The following KIT variants were observed in gnomAD, a reference collection of about 807,000 sequenced individuals.
KIT encodes the protein KIT proto-oncogene, receptor tyrosine kinase.
KIT carries 16 observed loss-of-function variants against 105.7 expected under a neutral mutation model. The observed-to-expected ratio is 0.15, with a 90% CI of 0.10 to 0.23. The LOEUF is 0.23. Ranked by LOEUF, KIT falls within the 10% of genes least tolerant of loss-of-function variation. KIT has a pLI of 1.00. For missense variants in KIT, 858 were observed against 1,213.8 expected (o/e 0.71, Z 4.36); for synonymous variants, 438 against 441.1 (o/e 0.99, Z 0.09).
intron 1 of KIT, among the ~76,000 whole-genome samples, chr4:54,663,433 C>T (rs147616402): frequency 6.6e-6 from 1 of 152,242 alleles, no homozygotes; most frequent in East Asian, 1.9e-4. Flanking sequence ...TGTGTGGACT[C>T]CACTATCAGG....
At chr4:54,732,119 G>GA (rs1722649795) in intron 16 of KIT, 121 bp downstream of exon 16, 3 of 1,099,334 alleles carry the variant, frequency 2.7e-6, no homozygotes, top group Non-Finnish European at 3.8e-6. Context: ...ATGTCATTTT[G>GA]AAGTGTGGTA....
intron 1 of KIT, among the ~76,000 whole-genome samples, chr4:54,679,888 T>C (rs185415468): frequency 2.0e-5 from 3 of 152,326 alleles, no homozygotes; most frequent in Admixed American, 1.3e-4. Flanking sequence ...GCAGACCTTA[T>C]ATTGAGTTAA....
rs534652006 is a variant in KIT, at chr4:54,740,252, T to A, written c.*1695T>A. 1 of 233,558 alleles carries A rather than the reference T, an allele frequency of 4.3e-6. No individual in the cohort carries two copies. Among genetic ancestry groups the A allele is most frequent in the South Asian group, 1.8e-4 (1 of 5,518 alleles). The allele number at this position is 233,558 out of a possible 1,614,324, so 14.5% of individuals were successfully genotyped here. On this transcript the variant is annotated 3_prime_UTR_variant, in exon 21 of 21. Coordinates refer to ENST00000288135, the MANE Select transcript of KIT (RefSeq NM_000222.3). The stretch of plus-strand genomic sequence containing the variant: ...TCGCACCTTTCCAAAGTTAACAGAT[T>A]TTGGGGTTGTGTTGTCACCCAAGAG...
intron 9 of KIT, among the ~76,000 whole-genome samples, chr4:54,726,781 GT>G (rs60561404): frequency 0.12 from 16,163 of 137,358 alleles, 938 homozygotes; most frequent in African/African-American, 0.17. Context: ...CCTTAAAAAT[GT>G]TTTTTTTTTT....
chr4:54,709,143 G>C (rs890923064), intron 6 of KIT, among the ~76,000 whole-genome samples: 2 of 151,976 alleles, frequency 1.3e-5, no homozygotes, highest in Non-Finnish European at 2.9e-5. Context: ...GGGCGGAGGC[G>C]GGAGGCGGTG....
intron 1 of KIT, among the ~76,000 whole-genome samples, chr4:54,658,404 C>CG (rs1412562324): frequency 6.6e-6 from 1 of 151,892 alleles, no homozygotes; most frequent in Non-Finnish European, 1.5e-5. Context: ...CGACGTTGCG[C>CG]GGGGGGCGGA....
chr4:54,699,597 T>G (rs1720317149), intron 3 of KIT, 33 bp from the exon 4 acceptor site: 1 of 1,612,930 alleles, frequency 6.2e-7, no homozygotes, highest in African/African-American at 1.3e-5. Flanking sequence ...ATAATACAAA[T>G]TATTTGAGGG....
intron 2 of KIT, 175 bp downstream of exon 2, chr4:54,695,956 G>A: frequency 1.4e-6 from 1 of 728,060 alleles, no homozygotes; most frequent in South Asian, 1.8e-5. Context: ...GATACATAGT[G>A]GCTTTGGGTA....
At chr4:54,734,374 C>G (rs1722791424) in intron 17 of KIT, among the ~76,000 whole-genome samples, 1 of 152,144 alleles carries the variant, frequency 6.6e-6, no homozygotes, top group Non-Finnish European at 1.5e-5. Context: ...ATAGTGATTC[C>G]TGACTCAGAA....
At chr4:54,676,910 A>G (rs1013046753) in intron 1 of KIT, among the ~76,000 whole-genome samples, 2 of 152,108 alleles carry the variant, frequency 1.3e-5, no homozygotes, top group South Asian at 2.1e-4. Context: ...TTCACAGCCC[A>G]GCTCCCACCC....
chr4:54,718,988 A>G (rs919159193), intron 7 of KIT, among the ~76,000 whole-genome samples: 1 of 152,230 alleles, frequency 6.6e-6, no homozygotes, highest in Non-Finnish European at 1.5e-5. Flanking sequence ...TGTAGGTTTT[A>G]CACAGACCAA....
At chr4:54,733,912 C>T (rs1722761537) in intron 17 of KIT, among the ~76,000 whole-genome samples, 1 of 152,174 alleles carries the variant, frequency 6.6e-6, no homozygotes, top group Non-Finnish European at 1.5e-5. Context: ...ATAATATTCT[C>T]TGCCTGTCTT....
intron 1 of KIT, among the ~76,000 whole-genome samples, chr4:54,689,308 C>A (rs1301771879): frequency 1.3e-5 from 2 of 152,184 alleles, no homozygotes; most frequent in Non-Finnish European, 2.9e-5. Context: ...TCGAATACAA[C>A]TCCCATAAGC....
intron 16 of KIT, among the ~76,000 whole-genome samples, chr4:54,732,685 G>A (rs1212924367): frequency 2.0e-5 from 3 of 152,086 alleles, no homozygotes; most frequent in Admixed American, 2.0e-4. Context: ...TGTGTCCTTG[G>A]GAGATGTCAG....
intron 13 of KIT, 54 bp downstream of exon 13, chr4:54,728,175 C>T (rs2109782757): frequency 1.5e-6 from 2 of 1,296,392 alleles, no homozygotes; most frequent in East Asian, 2.3e-5. Context: ...CAAAACATGA[C>T]ATTTTAATAT....
At chr4:54,733,541 G>C in intron 17 of KIT, 1 of 287,780 alleles carries the variant, frequency 3.5e-6, no homozygotes, top group South Asian at 3.5e-5. Context: ...ATTTTGGGGG[G>C]ATTGGCATGC....
Position 54,727,517 on chromosome 4 carries a change from G to A in KIT, c.1749G>A (p.Glu583=), listed in dbSNP as rs1722314973. 2 of 1,614,080 alleles carry A rather than the reference G, an allele frequency of 1.2e-6. No individual in the cohort carries two copies. Among genetic ancestry groups the A allele is most frequent in the Non-Finnish European group, 1.7e-6 (2 of 1,179,992 alleles). ...AACTTCCTTATGATCACAAATGGGA[G>A]TTTCCCAGAAACAGGCTGAGTTTTG... The part of the protein sequence containing the change: ...PTQLPYDHKW[E]FPRNRLSFGK... The change falls in exon 11 of 21, where the codon GAG becomes GAA. Residue 583 remains glutamate, a synonymous_variant. Coordinates refer to ENST00000288135, the MANE Select transcript of KIT (RefSeq NM_000222.3).
At chr4:54,673,314 T>G (rs1718244781) in intron 1 of KIT, among the ~76,000 whole-genome samples, 2 of 152,210 alleles carry the variant, frequency 1.3e-5, no homozygotes, top group African/African-American at 4.8e-5. Context: ...ATCTGCCACT[T>G]TCTCTCAAAT....
intron 8 of KIT, among the ~76,000 whole-genome samples, chr4:54,724,055 G>GA (rs1222254234): frequency 2.6e-5 from 4 of 152,166 alleles, no homozygotes; most frequent in Non-Finnish European, 5.9e-5. Flanking sequence ...TAGTTATCAT[G>GA]AAAAAATTAC....
Sources: gnomAD v4.1 joint callset for allele counts (sites outside exome capture counted in the v4.1 genomes callset) on GRCh38, gnomAD v4.1.1 for gene constraint, MANE v1.5 for transcripts, NCBI Gene and HGNC (gene_info 2026-07-23, HGNC 2026-07-21) for gene names.